The following USP48 variants were observed in gnomAD, a reference collection of about 807,000 sequenced individuals.
USP48 encodes the protein ubiquitin carboxyl-terminal hydrolase 48.
USP48 carries 43 observed loss-of-function variants against 150.7 expected under a neutral mutation model. That is an observed-to-expected ratio of 0.29 (90% CI 0.22 to 0.37). The LOEUF (loss-of-function observed/expected upper bound fraction) is 0.37. Ranked by LOEUF, USP48 falls within the 10% of genes least tolerant of loss-of-function variation. The pLI, the probability that USP48 is intolerant of heterozygous loss-of-function variation, is 1.00. For missense variants in USP48, 813 were observed against 1,249.6 expected, an observed-to-expected ratio of 0.65 and a Z score of 5.27; for synonymous variants, 396 against 425.9, an observed-to-expected ratio of 0.93 and a Z score of 0.86.
intron 11 of USP48, chr1:21,724,400 A>G: frequency 1.8e-6 from 1 of 549,112 alleles, no homozygotes; most frequent in Non-Finnish European, 3.2e-6. Context: ...AGCACAGCAG[A>G]GCTTTGATCA....
chr1:21,690,242 T>A, intron 23 of USP48, 143 bp from the exon 24 acceptor site: 1 of 966,776 alleles, frequency 1.0e-6, no homozygotes, highest in Non-Finnish European at 1.5e-6. Flanking sequence ...GTCAGCCTAC[T>A]TGTTATACTC....
chr1:21,707,430 T>C (rs2097675902), intron 15 of USP48, among the ~76,000 whole-genome samples: 1 of 152,220 alleles, frequency 6.6e-6, no homozygotes, highest in African/African-American at 2.4e-5. Flanking sequence ...GATAAAGCAA[T>C]CTACTGCTCA....
chr1:21,684,782 A>C (rs575351655), intron 25 of USP48, among the ~76,000 whole-genome samples: 4 of 152,316 alleles, frequency 2.6e-5, no homozygotes, highest in African/African-American at 9.6e-5. Flanking sequence ...TTTTCCCAGC[A>C]AAATCTAGTG....
rs191937509 is a variant in USP48, at chr1:21,714,866, G to A, written c.1963+523C>T. Among the ~76,000 whole-genome samples the A allele has an allele frequency of 2.1e-3, 315 of 152,272 alleles. 2 individuals carry two copies. Among genetic ancestry groups the A allele is most frequent in the African/African-American group, 6.5e-3 (271 of 41,556 alleles). On this transcript the variant is annotated intron_variant, in intron 15 of 26. Transcript: ENST00000308271. Reference sequence around the variant, plus strand: ...CACAAACAAGAAACTAAACCAAGCCGAGCCCAGTGGCTCGTGCCTATAATC... The same window carrying A: ...CACAAACAAGAAACTAAACCAAGCCAAGCCCAGTGGCTCGTGCCTATAATC...
chr1:21,689,963 T>C lies in USP48; in HGVS notation c.3009+11A>G, dbSNP rs1274858022. 6.2e-7 allele frequency: 1 copy of C among 1,613,380 alleles called. No individual in the cohort carries two copies. The highest frequency in any genetic ancestry group is 1.3e-5 in the African/African-American group (1 of 74,888). On this transcript the variant is annotated intron_variant, in intron 24 of 26. Coordinates refer to ENST00000308271, the MANE Select transcript of USP48 (RefSeq NM_032236.8). ...ACCTTGAGTTCTTCAGCTAAGGAGC[T>C]GTTTACTTACCTTCAATAAAATGAC...
intron 23 of USP48, among the ~76,000 whole-genome samples, chr1:21,692,899 C>T (rs2097607153): frequency 6.6e-6 from 1 of 152,116 alleles, no homozygotes; most frequent in Admixed American, 6.5e-5. Context: ...TAAAATAATC[C>T]TTAAACTCTA....
intron 1 of USP48, among the ~76,000 whole-genome samples, chr1:21,782,331 C>T (rs1255134564): frequency 2.0e-5 from 3 of 152,006 alleles, no homozygotes; most frequent in African/African-American, 4.8e-5. Context: ...ACTAGATTAA[C>T]GAGTGAGGGA....
intron 1 of USP48, among the ~76,000 whole-genome samples, chr1:21,782,619 T>C (rs2152667075): frequency 6.6e-6 from 1 of 152,350 alleles, no homozygotes; most frequent in South Asian, 2.1e-4. Context: ...CCTAAAGTGC[T>C]TTGGCCAGCA....
At chr1:21,745,021 G>A (rs2097791322) in intron 8 of USP48, among the ~76,000 whole-genome samples, 1 of 152,078 alleles carries the variant, frequency 6.6e-6, no homozygotes, top group Non-Finnish European at 1.5e-5. Context: ...GTGTGGTTAT[G>A]TGTGGGTACG....
chr1:21,732,744 C>A (rs1417388190), intron 9 of USP48: 5 of 307,300 alleles, frequency 1.6e-5, no homozygotes, highest in Admixed American at 9.6e-5. Context: ...GTTAAAAATG[C>A]CTACTATAAA....
chr1:21,756,919 A>G, intron 2 of USP48: 1 of 985,444 alleles, frequency 1.0e-6, no homozygotes, highest in Non-Finnish European at 1.2e-6. Context: ...TTCGGACGGC[A>G]TCACTGCTCA....
chr1:21,704,174 T>G, intron 20 of USP48, 88 bp downstream of exon 20: 1 of 1,492,948 alleles, frequency 6.7e-7, no homozygotes, highest in Non-Finnish European at 9.0e-7. Context: ...GCATGATCTT[T>G]AACTTTAAGC....
intron 25 of USP48, among the ~76,000 whole-genome samples, chr1:21,682,019 T>C (rs2097567311): frequency 6.6e-6 from 1 of 152,174 alleles, no homozygotes. Flanking sequence ...CCCTTCACCA[T>C]CTTCTAGGGC....
At chr1:21,755,716 G>A (rs1293857428) in intron 3 of USP48, among the ~76,000 whole-genome samples, 2 of 152,102 alleles carry the variant, frequency 1.3e-5, no homozygotes, top group African/African-American at 4.8e-5. Context: ...TCCTTGGGGT[G>A]CAAAGGTTTT....
intron 8 of USP48, among the ~76,000 whole-genome samples, chr1:21,742,499 G>A (rs333175): frequency 0.077 from 11,500 of 149,800 alleles, 488 homozygotes; most frequent in Middle Eastern, 0.11. Context: ...AGCCAAGATC[G>A]CGGCACTGCA....
chr1:21,749,185 C>A (rs2097802760), intron 6 of USP48, among the ~76,000 whole-genome samples: 1 of 151,980 alleles, frequency 6.6e-6, no homozygotes, highest in African/African-American at 2.4e-5. Flanking sequence ...ATTGTACTTA[C>A]CATATTGTAA....
At chr1:21,712,455 T>A (rs1383253228) in intron 15 of USP48, among the ~76,000 whole-genome samples, 4 of 152,196 alleles carry the variant, frequency 2.6e-5, no homozygotes, top group African/African-American at 9.6e-5. Flanking sequence ...CCCACTATAA[T>A]CCTCCTCTTA....
intron 5 of USP48, 32 bp from the exon 6 acceptor site, chr1:21,751,647 C>A: frequency 6.4e-7 from 1 of 1,555,470 alleles, no homozygotes; most frequent in Non-Finnish European, 8.9e-7. Flanking sequence ...AAATTCAGAT[C>A]AGAGTGTGAA....
chr1:21,723,614 A>G (rs1425436545), intron 12 of USP48, among the ~76,000 whole-genome samples: 3 of 152,136 alleles, frequency 2.0e-5, no homozygotes, highest in Non-Finnish European at 4.4e-5. Context: ...AGAGTAACAA[A>G]CTACTACCAG....
Sources: gnomAD v4.1 joint callset for allele counts (sites outside exome capture counted in the v4.1 genomes callset) on GRCh38, gnomAD v4.1.1 for gene constraint, MANE v1.5 for transcripts, NCBI Gene and HGNC (gene_info 2026-07-23, HGNC 2026-07-21) for gene names.